OPRM1: variants seen among roughly 807,000 people sequenced by gnomAD.
OPRM1 encodes opioid receptor mu 1, also known as mu-type opioid receptor.
OPRM1 carries 27 observed loss-of-function variants against 31.8 expected under a neutral mutation model. The observed-to-expected ratio is 0.85, with a 90% CI of 0.63 to 1.17. The LOEUF is 1.17. Ranked by LOEUF, OPRM1 falls within the 50% of genes most tolerant of loss-of-function variation. OPRM1 has a pLI of 0.00. For synonymous variants in OPRM1, 196 were observed against 189.9 expected, an observed-to-expected ratio of 1.03 and a Z score of -0.26; for missense variants, 536 against 511.1, an observed-to-expected ratio of 1.05 and a Z score of -0.47.
At position 154,125,071 on chromosome 6, in the gene OPRM1, G is replaced by A. The variant is rs1249761760; in HGVS notation, c.*6350G>A. Among the ~76,000 whole-genome samples, 3 of 152,178 alleles carry A rather than the reference G, an allele frequency of 2.0e-5. No homozygotes were observed. Among genetic ancestry groups the A allele is most frequent in the African/African-American group, 7.2e-5 (3 of 41,432 alleles). On this transcript the variant is annotated 3_prime_UTR_variant, in exon 4 of 4. Transcript: ENST00000330432. ...TGTATTTCAGGAAAACTTCTGTCCT[G>A]TGGGAGCAATACAAAACTATACCAG...
At chr6:154,214,260 C>A in intron 3 of OPRM1, 1 of 1,610,768 alleles carries the variant, frequency 6.2e-7, no homozygotes, top group Non-Finnish European at 8.5e-7. Context: ...ACAGCCGATC[C>A]AAGTTTATTT....
chr6:154,079,771 A>C (rs79649584), intron 1 of OPRM1, among the ~76,000 whole-genome samples: 1 of 152,172 alleles, frequency 6.6e-6, no homozygotes, highest in African/African-American at 2.4e-5. Context: ...GTGCAGTGGC[A>C]TGACCGTAGC....
chr6:154,032,156 C>T (rs1779044499), intron 1 of OPRM1, among the ~76,000 whole-genome samples: 1 of 152,162 alleles, frequency 6.6e-6, no homozygotes, highest in South Asian at 2.1e-4. Context: ...AGTCAACAAT[C>T]GTGGTAGTTG....
Position 154,131,541 on chromosome 6 carries a change from C to G in OPRM1, c.*12820C>G, listed in dbSNP as rs1399691510. ...AAAGATAGACCCCTGCTGCTCTGCA[C>G]GTAGATTCAGTTTGTATGCCAGGGT... On this transcript the variant is annotated 3_prime_UTR_variant, in exon 4 of 4. Coordinates refer to ENST00000330432, the MANE Select transcript of OPRM1 (RefSeq NM_000914.5). 6.6e-6 allele frequency among the ~76,000 whole-genome samples: 1 copy of G among 152,152 alleles called. No homozygotes were observed. The highest frequency in any genetic ancestry group is 1.5e-5 in the Non-Finnish European group (1 of 68,024).
chr6:154,084,479 A>T (rs969968331), intron 1 of OPRM1, among the ~76,000 whole-genome samples: 2 of 151,830 alleles, frequency 1.3e-5, no homozygotes, highest in Non-Finnish European at 2.9e-5. Context: ...AATGGAATAG[A>T]TGGATAATAA....
chr6:154,058,832 T>C (rs1055384210), intron 1 of OPRM1, among the ~76,000 whole-genome samples: 9 of 152,184 alleles, frequency 5.9e-5, no homozygotes, highest in African/African-American at 2.2e-4. Flanking sequence ...TTTTCATCTT[T>C]ACACCAACCA....
chr6:154,165,229 T>C (rs1799330568), intron 3 of OPRM1, among the ~76,000 whole-genome samples: 1 of 152,098 alleles, frequency 6.6e-6, no homozygotes, highest in South Asian at 2.1e-4. Context: ...TCCATACCAC[T>C]ACTACCAGGG....
chr6:154,057,061 ACAC>A (rs1562408006), intron 1 of OPRM1, among the ~76,000 whole-genome samples: 1 of 152,152 alleles, frequency 6.6e-6, no homozygotes, highest in African/African-American at 2.4e-5. Flanking sequence ...AATAAATAAA[ACAC>A]ATATCTAAGG....
chr6:154,174,872 T>C (rs1378532661), intron 3 of OPRM1, among the ~76,000 whole-genome samples: 2 of 152,118 alleles, frequency 1.3e-5, no homozygotes, highest in African/African-American at 4.8e-5. Context: ...AATATAGATT[T>C]TTCTCAGCAC....
chr6:154,112,125 T>C (rs1013896299), intron 3 of OPRM1, among the ~76,000 whole-genome samples: 4 of 152,222 alleles, frequency 2.6e-5, no homozygotes, highest in African/African-American at 9.6e-5. Flanking sequence ...AGAGTTGTGT[T>C]ACATCTATGT....
chr6:154,164,540 T>C (rs1264421666), intron 3 of OPRM1, among the ~76,000 whole-genome samples: 1 of 152,194 alleles, frequency 6.6e-6, no homozygotes, highest in Non-Finnish European at 1.5e-5. Context: ...TGAACTACTT[T>C]CACAACATCC....
intron 3 of OPRM1, among the ~76,000 whole-genome samples, chr6:154,117,131 C>T (rs1046188553): frequency 1.1e-4 from 16 of 152,164 alleles, no homozygotes; most frequent in Admixed American, 2.6e-4. Flanking sequence ...GTGGACCACT[C>T]GCTGCCCACC....
At chr6:154,171,788 G>C (rs983399092) in intron 3 of OPRM1, among the ~76,000 whole-genome samples, 6 of 152,250 alleles carry the variant, frequency 3.9e-5, no homozygotes, top group Middle Eastern at 3.4e-3. Context: ...ACTCCTGAAG[G>C]GGGGCATTAG....
chr6:154,200,601 G>T (rs1046133628), intron 3 of OPRM1, among the ~76,000 whole-genome samples: 1 of 151,984 alleles, frequency 6.6e-6, no homozygotes, highest in African/African-American at 2.4e-5. Context: ...CGCACCTGTA[G>T]TCCCAGCTAT....
At chr6:154,146,396 T>C (rs1798359853) in intron 3 of OPRM1, among the ~76,000 whole-genome samples, 1 of 152,028 alleles carries the variant, frequency 6.6e-6, no homozygotes, top group African/African-American at 2.4e-5. Flanking sequence ...CAAGACTCCC[T>C]CTCAAAAAAA....
chr6:154,024,294 A>T (rs866899962), intron 1 of OPRM1, among the ~76,000 whole-genome samples: 13 of 151,876 alleles, frequency 8.6e-5, no homozygotes, highest in Admixed American at 5.2e-4. Context: ...AAGAATTGTC[A>T]ATCTCCTCTA....
At position 154,023,096 on chromosome 6, in the gene OPRM1, G is replaced by A. The variant is rs1778479844; in HGVS notation, c.-1+12078G>A. ...GTCTCTTTCTGTGAAGAATGTCATT[G>A]GGATTTTGATGGAAATTACATTAAA... On this transcript the variant is annotated intron_variant, in intron 1 of 5. Transcript: ENST00000434900. 2.0e-5 allele frequency among the ~76,000 whole-genome samples: 3 copies of A among 152,134 alleles called. No homozygotes were observed. The South Asian group carries it at 6.2e-4, about 32-fold the overall frequency.
chr6:154,046,732 C>T (rs189972933), intron 1 of OPRM1: 1 of 152,142 alleles, frequency 6.6e-6, no homozygotes, highest in African/African-American at 2.4e-5. Flanking sequence ...GGAAGAGAAA[C>T]CTTGCCCTGG....
Position 154,236,728 on chromosome 6 carries a change from C to T in OPRM1, c.1165-9965C>T, listed in dbSNP as rs114933810. Among the ~76,000 whole-genome samples, 387 of 152,276 alleles carry T rather than the reference C, an allele frequency of 2.5e-3. 2 individuals are homozygous for T. The highest frequency in any genetic ancestry group is 9.1e-3 in the African/African-American group (377 of 41,576). On this transcript the variant is annotated intron_variant, in intron 3 of 3. Transcript: ENST00000337049. The stretch of plus-strand genomic sequence containing the variant: ...AGGTAACAGACATCTATTCATGCTT[C>T]TGTTGAACAGACATAGAGGCGAGGC...
Sources: allele counts gnomAD v4.1 joint callset (sites outside exome capture counted in the v4.1 genomes callset), GRCh38; gene constraint gnomAD v4.1.1; transcripts MANE v1.5; gene names NCBI Gene and HGNC (gene_info 2026-07-23, HGNC 2026-07-21).